Variants in CEP63 observed in about 807,000 individuals in gnomAD.
CEP63 encodes the protein centrosomal protein 63.
In CEP63, 84 loss-of-function variants were observed where a neutral mutation model predicts 89.1. The ratio of observed to expected loss-of-function variants is 0.94; its 90% confidence interval spans 0.79 to 1.13. The LOEUF (loss-of-function observed/expected upper bound fraction) is 1.13. Ranked by LOEUF, CEP63 falls within the 50% of genes most tolerant of loss-of-function variation. The pLI is 0.00. For synonymous variants in CEP63, 267 were observed against 272.5 expected (o/e 0.98, Z 0.20); for missense variants, 838 against 813.3 (o/e 1.03, Z -0.37).
chr3:134,524,918 C>T (rs1328512424), intron 3 of CEP63, among the ~76,000 whole-genome samples: 3 of 152,176 alleles, frequency 2.0e-5, no homozygotes, highest in Non-Finnish European at 4.4e-5. Context: ...AGAGGAGTCC[C>T]TCTTCCTCAA....
At chr3:134,584,407 A>G (rs1958433158) in intron 10 of CEP63, among the ~76,000 whole-genome samples, 1 of 152,176 alleles carries the variant, frequency 6.6e-6, no homozygotes, top group Non-Finnish European at 1.5e-5. Context: ...AATTTGTCCA[A>G]GGCCTTTTCT....
downstream of CEP63, among the ~76,000 whole-genome samples, chr3:134,589,878 A>T (rs534781486): frequency 1.3e-5 from 2 of 152,352 alleles, no homozygotes; most frequent in African/African-American, 4.8e-5. Context: ...CTGAATAAAG[A>T]AAATGTGGTA....
chr3:134,650,986 C>T, the CEP63 span: 1 of 1,612,518 alleles, frequency 6.2e-7, no homozygotes, highest in African/African-American at 1.3e-5. Context: ...CCGACCTGGG[C>T]GCCGCGGCCG....
chr3:134,712,392 CT>C, the CEP63 span, among the ~76,000 whole-genome samples: 77,440 of 151,906 alleles, frequency 0.51, 22,868 homozygotes, highest in East Asian at 0.78. Context: ...TAGTTTCTGT[CT>C]TTTAAAACAA....
chr3:134,633,540 A>G, the CEP63 span, among the ~76,000 whole-genome samples: 1 of 152,148 alleles, frequency 6.6e-6, no homozygotes, highest in African/African-American at 2.4e-5. Context: ...AATGCATTTG[A>G]CAAAATTTAA....
At chr3:134,592,730 CA>C (rs1332825036), downstream of CEP63, among the ~76,000 whole-genome samples, 3 of 152,138 alleles carry the variant, frequency 2.0e-5, no homozygotes, top group Admixed American at 2.0e-4. Context: ...TCTCACCATT[CA>C]GTATGCAGAT....
the CEP63 span, among the ~76,000 whole-genome samples, chr3:134,605,547 C>G: frequency 6.6e-6 from 1 of 152,148 alleles, no homozygotes; most frequent in Admixed American, 6.5e-5. Flanking sequence ...CCACATGGGC[C>G]AGCATGATGG....
At chr3:134,627,670 G>C in the CEP63 span, 19 of 1,237,636 alleles carry the variant, frequency 1.5e-5, no homozygotes, top group African/African-American at 2.7e-4. Flanking sequence ...TAGTGGCCCA[G>C]GAAGCAACTG....
intron 3 of CEP63, among the ~76,000 whole-genome samples, chr3:134,525,273 C>T (rs925584358): frequency 3.3e-5 from 5 of 152,018 alleles, no homozygotes; most frequent in African/African-American, 9.7e-5. Context: ...CTCCTCTCTT[C>T]TTTATTAGTC....
intron 1 of CEP63, among the ~76,000 whole-genome samples, chr3:134,494,467 C>T (rs1221943744): frequency 6.6e-6 from 1 of 152,082 alleles, no homozygotes; most frequent in Non-Finnish European, 1.5e-5. Context: ...TCTTTCTCTG[C>T]TAGACCCTTC....
chr3:134,778,644 T>C, the CEP63 span, among the ~76,000 whole-genome samples: 1 of 152,094 alleles, frequency 6.6e-6, no homozygotes, highest in African/African-American at 2.4e-5. Flanking sequence ...CTGCAAGCTC[T>C]GCCTCCCGGG....
the CEP63 span, among the ~76,000 whole-genome samples, chr3:134,694,560 G>A: frequency 6.6e-6 from 1 of 152,344 alleles, no homozygotes; most frequent in East Asian, 1.9e-4. Context: ...TGTGCTGGGT[G>A]TGAGGGACAT....
the CEP63 span, among the ~76,000 whole-genome samples, chr3:134,709,088 T>C: frequency 2.6e-5 from 4 of 152,278 alleles, no homozygotes; most frequent in East Asian, 7.7e-4. Flanking sequence ...GATGAAAGGA[T>C]ATTTTTTAAT....
chr3:134,569,665 G>A (rs538724572), downstream of CEP63, among the ~76,000 whole-genome samples: 5 of 152,262 alleles, frequency 3.3e-5, no homozygotes, highest in African/African-American at 9.6e-5. Flanking sequence ...CCAGGTGCAC[G>A]GTGCAAGCTG....
At chr3:134,605,358 A>C in the CEP63 span, among the ~76,000 whole-genome samples, 2 of 152,248 alleles carry the variant, frequency 1.3e-5, no homozygotes, top group Middle Eastern at 6.8e-3. Flanking sequence ...CCCCGTTCAC[A>C]GTTGAGTGCA....
At position 134,563,437 on chromosome 3, in the gene CEP63, T is replaced by G. The variant is rs9834981; in HGVS notation, c.*1902T>G. 0.66 allele frequency: 100,321 copies of G among 151,188 alleles called. 33,670 individuals carry two copies. The highest frequency in any genetic ancestry group is 0.82 in the East Asian group (4,177 of 5,120). The allele number at this position is 151,188 out of a possible 1,614,324, so 9.4% of individuals were successfully genotyped here. Reference sequence around the variant, plus strand: ...CTTCCAAGGCTTCTCTTTTTTTTTTTATTGAGACAGAGTCTCACTCTGTCG... The same window carrying G: ...CTTCCAAGGCTTCTCTTTTTTTTTTGATTGAGACAGAGTCTCACTCTGTCG... On this transcript the variant is annotated 3_prime_UTR_variant, in exon 15 of 15. Coordinates refer to ENST00000675561, the MANE Select transcript of CEP63 (RefSeq NM_001353108.3).
At chr3:134,712,456 T>C in the CEP63 span, among the ~76,000 whole-genome samples, 2 of 152,174 alleles carry the variant, frequency 1.3e-5, no homozygotes, top group Admixed American at 6.5e-5. Flanking sequence ...TTTTATTACA[T>C]TTTAAAATTT....
chr3:134,739,023 C>T, the CEP63 span, among the ~76,000 whole-genome samples: 1 of 151,262 alleles, frequency 6.6e-6, no homozygotes, highest in Admixed American at 6.6e-5. Flanking sequence ...AGTTTGGAAC[C>T]CTCATACACT....
chr3:134,662,467 G>T, the CEP63 span, among the ~76,000 whole-genome samples: 1 of 152,030 alleles, frequency 6.6e-6, no homozygotes. Flanking sequence ...CTAAGACAGT[G>T]GTAAAGAAGG....
Sources: allele counts gnomAD v4.1 joint callset (sites outside exome capture counted in the v4.1 genomes callset), GRCh38; gene constraint gnomAD v4.1.1; transcripts MANE v1.5; gene names NCBI Gene and HGNC (gene_info 2026-07-23, HGNC 2026-07-21).